The following RGS3 variants were observed in gnomAD, a reference collection of about 807,000 sequenced individuals.
The protein encoded by RGS3 is regulator of G-protein signalling 3.
In RGS3, 80 loss-of-function variants were observed where a neutral mutation model predicts 132.6. The ratio of observed to expected loss-of-function variants is 0.60; its 90% CI spans 0.50 to 0.73. The LOEUF is 0.73. Among genes scored for constraint, RGS3 ranks in the 30% least tolerant of loss-of-function variants. The pLI is 0.00. For missense variants in RGS3, 1,382 were observed against 1,530.8 expected, an observed-to-expected ratio of 0.90 and a Z score of 1.62; for synonymous variants, 598 against 620.6, an observed-to-expected ratio of 0.96 and a Z score of 0.54.
At chr9:113,512,308 C>A (rs1408908223) in intron 14 of RGS3, among the ~76,000 whole-genome samples, 1 of 152,118 alleles carries the variant, frequency 6.6e-6, no homozygotes, top group Non-Finnish European at 1.5e-5. Context: ...ATATGTAGGG[C>A]CAGATCAGAC....
intron 1 of RGS3, among the ~76,000 whole-genome samples, chr9:113,449,448 T>A (rs763873266): frequency 6.6e-6 from 1 of 152,186 alleles, no homozygotes; most frequent in Admixed American, 6.5e-5. Context: ...ATTTTACTTA[T>A]GAGAATTCCG....
At chr9:113,540,389 A>G (rs1325744934) in intron 19 of RGS3, among the ~76,000 whole-genome samples, 2 of 152,194 alleles carry the variant, frequency 1.3e-5, no homozygotes, top group Non-Finnish European at 2.9e-5. Context: ...GATCACAGAG[A>G]TGAATGAGAC....
chr9:113,530,509 G>A (rs561589415), intron 18 of RGS3, among the ~76,000 whole-genome samples: 1 of 152,242 alleles, frequency 6.6e-6, no homozygotes, highest in Admixed American at 6.5e-5. Context: ...AGCCAAGCAA[G>A]CAGAGAGGAG....
chr9:113,570,551 G>A (rs934661122), intron 19 of RGS3, among the ~76,000 whole-genome samples: 2 of 145,848 alleles, frequency 1.4e-5, no homozygotes, highest in Non-Finnish European at 3.1e-5. Context: ...TCCACAAAGC[G>A]TACCCCCATC....
intron 19 of RGS3, among the ~76,000 whole-genome samples, chr9:113,571,866 A>C (rs1834306424): frequency 6.6e-6 from 1 of 152,210 alleles, no homozygotes; most frequent in South Asian, 2.1e-4. Flanking sequence ...TCCACTTGAA[A>C]TAGATTTTTA....
intron 19 of RGS3, among the ~76,000 whole-genome samples, chr9:113,566,065 T>C (rs1396562670): frequency 6.6e-6 from 1 of 152,148 alleles, no homozygotes; most frequent in African/African-American, 2.4e-5. Context: ...GTCGGGACAC[T>C]GCATGGGAGG....
chr9:113,525,881 TC>T (rs1233474364), intron 17 of RGS3, among the ~76,000 whole-genome samples: 1 of 152,174 alleles, frequency 6.6e-6, no homozygotes, highest in Non-Finnish European at 1.5e-5. Context: ...TTGCCTCAGT[TC>T]GGGAGCTGGG....
intron 1 of RGS3, among the ~76,000 whole-genome samples, chr9:113,454,473 T>A (rs923553161): frequency 6.6e-6 from 1 of 151,938 alleles, no homozygotes; most frequent in East Asian, 1.9e-4. Flanking sequence ...CCAGGTGGGG[T>A]GGTGCACACC....
chr9:113,491,572 T>C (rs1457935741), intron 7 of RGS3, among the ~76,000 whole-genome samples: 4 of 151,806 alleles, frequency 2.6e-5, no homozygotes, highest in African/African-American at 9.7e-5. Flanking sequence ...CTTTTTTTTT[T>C]GAGATGAAGT....
At chr9:113,572,862 C>T (rs988265344) in intron 19 of RGS3, among the ~76,000 whole-genome samples, 1 of 152,252 alleles carries the variant, frequency 6.6e-6, no homozygotes, top group African/African-American at 2.4e-5. Context: ...TCTCAGCTTC[C>T]AAGTTTCCCC....
chr9:113,509,145 C>A (rs55676913), intron 14 of RGS3, among the ~76,000 whole-genome samples: 2 of 151,750 alleles, frequency 1.3e-5, no homozygotes. Flanking sequence ...CACTACTGGG[C>A]GTGGTGGTGT....
At chr9:113,577,694 G>A (rs891948449) in intron 19 of RGS3, among the ~76,000 whole-genome samples, 56 of 152,148 alleles carry the variant, frequency 3.7e-4, no homozygotes, top group African/African-American at 1.4e-3. Flanking sequence ...CGGGGCTTTG[G>A]CCTATGCTGC....
chr9:113,475,921 T>C (rs972713561), intron 3 of RGS3, among the ~76,000 whole-genome samples: 2 of 151,792 alleles, frequency 1.3e-5, no homozygotes, highest in Non-Finnish European at 2.9e-5. Context: ...CTGCCCTCTA[T>C]TTTTTTTCTT....
At position 113,507,851 on chromosome 9, in the gene RGS3, C is replaced by G. The variant is rs1831208481; in HGVS notation, c.1437+213C>G. 6.6e-6 allele frequency among the ~76,000 whole-genome samples: 1 copy of G among 152,166 alleles called. No individual in the cohort carries two copies. ...GTGGCCTCAGGGCACAGATTCAAGA[C>G]CAGGGCATGCACAGGCTGGAAGATT... On this transcript the variant is annotated intron_variant, in intron 13 of 24. Transcript: ENST00000350696. This position sits in a 1 kb window ranked among gnomAD's most constrained non-coding sequence, Gnocchi z 5.0.
chr9:113,591,121 C>T lies in RGS3; in HGVS notation c.3016-212C>T, dbSNP rs913170032. On this transcript the variant is annotated intron_variant, in intron 20 of 24. Coordinates refer to ENST00000350696, the Ensembl canonical transcript of RGS3. The surrounding 1 kb of genome is among the most constrained non-coding windows in gnomAD (Gnocchi z 4.4). ...GGACCTGACTGTCCCAGGAGGAGAT[C>T]CCTGTGGCCGGAGAGTCTGCCAGGC... Among the ~76,000 whole-genome samples, 1 of 152,194 alleles carries T rather than the reference C, an allele frequency of 6.6e-6. No individual in the cohort carries two copies. Among genetic ancestry groups the T allele is most frequent in the African/African-American group, 2.4e-5 (1 of 41,440 alleles).
chr9:113,450,847 G>A (rs972257956), intron 1 of RGS3, among the ~76,000 whole-genome samples: 1 of 152,058 alleles, frequency 6.6e-6, no homozygotes, highest in Non-Finnish European at 1.5e-5. Flanking sequence ...TGGTGACTGC[G>A]GAGTGAATGA....
At chr9:113,510,465 G>A (rs1254467132) in intron 14 of RGS3, among the ~76,000 whole-genome samples, 1 of 152,230 alleles carries the variant, frequency 6.6e-6, no homozygotes, top group Non-Finnish European at 1.5e-5. Context: ...TAGAATTTTG[G>A]TTGTGTGACT....
upstream of RGS3, among the ~76,000 whole-genome samples, chr9:113,456,971 T>C (rs1829376077): frequency 6.6e-6 from 1 of 152,138 alleles, no homozygotes; most frequent in South Asian, 2.1e-4. Context: ...GCTAATTTTG[T>C]ATTTTAGTAG....
intron 19 of RGS3, among the ~76,000 whole-genome samples, chr9:113,552,262 A>G (rs1479200907): frequency 6.6e-6 from 1 of 152,134 alleles, no homozygotes; most frequent in Admixed American, 6.5e-5. Context: ...TAGGACAAGT[A>G]CCCTCTTATT....
Sources: gnomAD v4.1 joint callset for allele counts (sites outside exome capture counted in the v4.1 genomes callset) on GRCh38, gnomAD v4.1.1 for gene constraint, Gnocchi (gnomAD v3.1) non-coding constraint, MANE v1.5 for transcripts, NCBI Gene and HGNC (gene_info 2026-07-23, HGNC 2026-07-21) for gene names.